Variants in IQCM observed in about 807,000 individuals in gnomAD.
IQCM encodes IQ motif containing M, also known as IQ domain-containing protein M.
Under a neutral mutation model 57.6 loss-of-function variants are expected in IQCM, and 45 were observed. The ratio of observed to expected loss-of-function variants is 0.78; its 90% CI spans 0.62 to 1.00. The LOEUF (loss-of-function observed/expected upper bound fraction) is 1.00. Among genes scored for constraint, IQCM ranks in the 50% least tolerant of loss-of-function variants. The pLI, the probability that IQCM is intolerant of heterozygous loss-of-function variation, is 0.00. For missense variants in IQCM, 468 were observed against 511.6 expected (o/e 0.91, Z 0.82); for synonymous variants, 148 against 158.9 (o/e 0.93, Z 0.51).
intron 6 of IQCM, among the ~76,000 whole-genome samples, chr4:149,683,573 G>A (rs1388923670): frequency 1.3e-5 from 2 of 151,316 alleles, no homozygotes; most frequent in South Asian, 2.1e-4. Flanking sequence ...AGAGACGTGA[G>A]TATGCAGTCA....
chr4:149,709,984 C>G (rs1764442932), intron 5 of IQCM, among the ~76,000 whole-genome samples: 1 of 152,068 alleles, frequency 6.6e-6, no homozygotes, highest in African/African-American at 2.4e-5. Flanking sequence ...CCTCTTATAA[C>G]AGTGAAAATC....
At chr4:149,600,399 C>T (rs1241494369) in intron 8 of IQCM, among the ~76,000 whole-genome samples, 3 of 152,046 alleles carry the variant, frequency 2.0e-5, no homozygotes, top group African/African-American at 7.2e-5. Context: ...GGATAGGATT[C>T]AAATTCAATA....
At chr4:149,577,603 A>G (rs1313000759) in intron 9 of IQCM, among the ~76,000 whole-genome samples, 4 of 151,882 alleles carry the variant, frequency 2.6e-5, no homozygotes, top group Non-Finnish European at 4.4e-5. Context: ...CTGTTTTTGT[A>G]CCAGTATTGT....
chr4:149,442,925 TACACAC>T (rs373865453), intron 12 of IQCM, among the ~76,000 whole-genome samples: 13 of 133,176 alleles, frequency 9.8e-5, no homozygotes, highest in East Asian at 6.8e-4. Flanking sequence ...TATCTCTCAA[TACACAC>T]ACACACACAC....
intron 13 of IQCM, among the ~76,000 whole-genome samples, chr4:149,397,892 G>A (rs1215854547): frequency 6.6e-6 from 1 of 151,828 alleles, no homozygotes; most frequent in Non-Finnish European, 1.5e-5. Flanking sequence ...TCACTCCCGT[G>A]ATTGTTTCCT....
chr4:149,420,725 G>C (rs1380833645), intron 13 of IQCM, among the ~76,000 whole-genome samples: 3 of 152,050 alleles, frequency 2.0e-5, no homozygotes, highest in African/African-American at 7.2e-5. Flanking sequence ...TATTATTATA[G>C]AGTGAGTACT....
intron 9 of IQCM, among the ~76,000 whole-genome samples, chr4:149,564,869 C>T (rs574230852): frequency 6.6e-6 from 1 of 152,190 alleles, no homozygotes; most frequent in East Asian, 1.9e-4. Flanking sequence ...AATACAGTGA[C>T]CCTAGCAGCA....
intron 12 of IQCM, among the ~76,000 whole-genome samples, chr4:149,545,793 C>T (rs964789566): frequency 6.7e-6 from 1 of 149,272 alleles, no homozygotes; most frequent in Non-Finnish European, 1.5e-5. Flanking sequence ...TGCCTGTCAA[C>T]AAATGAATGG....
At position 149,354,157 on chromosome 4, in the gene IQCM, G is replaced by A. The variant is rs537781063; in HGVS notation, c.1391-2091C>T. On this transcript the variant is annotated intron_variant, in intron 13 of 13. Coordinates refer to ENST00000636793, the MANE Select transcript of IQCM (RefSeq NM_001363507.2). ...AGGCGGGTGGATCACGAGGTCAGGA[G>A]ATCGAGACCATCCCGGCTAAAACGG... Among the ~76,000 whole-genome samples, 47 of 151,334 alleles carry A rather than the reference G, an allele frequency of 3.1e-4. 1 individual carries two copies. In the South Asian group the frequency reaches 9.9e-3, roughly 32 times the overall value.
intron 7 of IQCM, among the ~76,000 whole-genome samples, chr4:149,645,628 T>C (rs1387247787): frequency 6.6e-6 from 1 of 152,194 alleles, no homozygotes; most frequent in Non-Finnish European, 1.5e-5. Flanking sequence ...TTCTCTATCG[T>C]GTATTGAAAA....
At chr4:149,546,588 T>C (rs1748457307) in intron 12 of IQCM, among the ~76,000 whole-genome samples, 2 of 152,220 alleles carry the variant, frequency 1.3e-5, no homozygotes, top group South Asian at 2.1e-4. Context: ...AAACATTTTT[T>C]CAAGTGTCTT....
At chr4:149,459,865 T>C (rs1269277420) in intron 12 of IQCM, among the ~76,000 whole-genome samples, 4 of 152,220 alleles carry the variant, frequency 2.6e-5, no homozygotes, top group Non-Finnish European at 4.4e-5. Flanking sequence ...CTGTGAATAA[T>C]GTTGTTGCGA....
At chr4:149,606,258 TTTG>T (rs1455009974) in intron 8 of IQCM, among the ~76,000 whole-genome samples, 2 of 152,152 alleles carry the variant, frequency 1.3e-5, no homozygotes, top group East Asian at 3.9e-4. Flanking sequence ...ACTCCTTCTG[TTTG>T]GAGGAAACAG....
chr4:149,610,724 T>C (rs968819912), intron 8 of IQCM, among the ~76,000 whole-genome samples: 3 of 151,760 alleles, frequency 2.0e-5, no homozygotes, highest in African/African-American at 7.3e-5. Flanking sequence ...CAAACGAAAA[T>C]GAATTAAAGG....
intron 2 of IQCM, among the ~76,000 whole-genome samples, chr4:149,750,571 C>T (rs1318861620): frequency 6.6e-6 from 1 of 152,190 alleles, no homozygotes; most frequent in Non-Finnish European, 1.5e-5. Context: ...CGTATCAATA[C>T]ATGCAGTTAT....
intron 12 of IQCM, among the ~76,000 whole-genome samples, chr4:149,448,864 G>A (rs1736787197): frequency 6.6e-6 from 1 of 151,738 alleles, no homozygotes; most frequent in Non-Finnish European, 1.5e-5. Flanking sequence ...TACATGCCCA[G>A]ATGGCTTCAG....
At chr4:149,744,390 G>A (rs886589138) in intron 2 of IQCM, among the ~76,000 whole-genome samples, 1 of 152,118 alleles carries the variant, frequency 6.6e-6, no homozygotes, top group African/African-American at 2.4e-5. Flanking sequence ...AAATAAAAAT[G>A]TTTTGTGCTC....
At chr4:149,611,978 A>T (rs979070030) in intron 8 of IQCM, among the ~76,000 whole-genome samples, 1 of 133,392 alleles carries the variant, frequency 7.5e-6, no homozygotes, top group Non-Finnish European at 1.6e-5. Context: ...TATTATTTAT[A>T]AAGAAAAGAG....
chr4:149,369,048 A>ATATACACACG (rs1478620954), intron 13 of IQCM, among the ~76,000 whole-genome samples: 1 of 131,124 alleles, frequency 7.6e-6, no homozygotes, highest in Non-Finnish European at 1.6e-5. Context: ...ATATATATAT[A>ATATACACACG]TGTATTTTTT....
Sources: gnomAD v4.1 joint callset for allele counts (sites outside exome capture counted in the v4.1 genomes callset) on GRCh38, gnomAD v4.1.1 for gene constraint, MANE v1.5 for transcripts, NCBI Gene and HGNC (gene_info 2026-07-23, HGNC 2026-07-21) for gene names.